Variants in TSNARE1 observed in about 807,000 individuals in gnomAD.
TSNARE1 encodes t-SNARE domain-containing protein 1.
TSNARE1 carries 49 observed loss-of-function variants against 62.0 expected under a neutral mutation model. The observed-to-expected ratio is 0.79, with a 90% CI of 0.63 to 1.00. TSNARE1 has a LOEUF of 1.00. Ranked by LOEUF, TSNARE1 falls within the 50% of genes least tolerant of loss-of-function variation. TSNARE1 has a pLI of 0.00. For synonymous variants in TSNARE1, 328 were observed against 294.4 expected (o/e 1.11, Z -1.17); for missense variants, 755 against 700.1 (o/e 1.08, Z -0.88).
In TSNARE1 at chr8:142,398,748, G is replaced by A. The variant is rs535450314; in HGVS notation, c.-40+4356C>T. 8.5e-5 allele frequency among the ~76,000 whole-genome samples: 13 copies of A among 152,318 alleles called. No homozygotes were observed. In the South Asian group the frequency reaches 2.7e-3, roughly 32 times the overall value. Reference sequence around the variant, plus strand: ...CTCAGACAGCAGCCCTGATGGCAGGGGCAGGGGCTGGGGACTTGCCAATGA... The same window carrying A: ...CTCAGACAGCAGCCCTGATGGCAGGAGCAGGGGCTGGGGACTTGCCAATGA... On this transcript the variant is annotated intron_variant, in intron 1 of 13. Transcript: ENST00000524325.
At chr8:142,230,283 A>T (rs1212034989) in intron 12 of TSNARE1, among the ~76,000 whole-genome samples, 1 of 152,158 alleles carries the variant, frequency 6.6e-6, no homozygotes, top group Admixed American at 6.5e-5. Flanking sequence ...GAAAAACGGG[A>T]GCTTAAATGA....
At chr8:142,335,487 G>T (rs1198328223) in intron 4 of TSNARE1, among the ~76,000 whole-genome samples, 1 of 152,052 alleles carries the variant, frequency 6.6e-6, no homozygotes, top group Non-Finnish European at 1.5e-5. Flanking sequence ...GAAAGTTAAA[G>T]ATCTATGCTG....
intron 13 of TSNARE1, among the ~76,000 whole-genome samples, chr8:142,228,384 G>T (rs1002406334): frequency 2.1e-4 from 32 of 152,304 alleles, no homozygotes; most frequent in Middle Eastern, 6.8e-3. Context: ...GCAGCCCAGG[G>T]CCCTGTGCCC....
At chr8:142,274,410 C>T (rs982641592) in intron 12 of TSNARE1, 2 of 985,486 alleles carry the variant, frequency 2.0e-6, no homozygotes, top group African/African-American at 3.5e-5. Context: ...ACAAAGTCCC[C>T]TCTGCAGTTC....
At chr8:142,348,219 C>A (rs977329594) in intron 2 of TSNARE1, among the ~76,000 whole-genome samples, 2 of 152,214 alleles carry the variant, frequency 1.3e-5, no homozygotes, top group African/African-American at 4.8e-5. Context: ...GCTTCTTCCA[C>A]GCACCACATT....
chr8:142,335,116 G>C (rs1374827037), intron 4 of TSNARE1, among the ~76,000 whole-genome samples: 3 of 152,238 alleles, frequency 2.0e-5, no homozygotes, highest in African/African-American at 7.2e-5. Context: ...GTGTGGTCCT[G>C]AATGTACTGA....
chr8:142,303,054 G>A (rs966514730), intron 9 of TSNARE1, among the ~76,000 whole-genome samples: 2 of 152,154 alleles, frequency 1.3e-5, no homozygotes, highest in African/African-American at 4.8e-5. Flanking sequence ...CTGGGGACAT[G>A]GGCTGCAGGG....
At chr8:142,352,650 C>T (rs1487410844) in intron 2 of TSNARE1, among the ~76,000 whole-genome samples, 1 of 152,250 alleles carries the variant, frequency 6.6e-6, no homozygotes. Flanking sequence ...TCTCAGAACA[C>T]GATGCGTAAA....
At chr8:142,368,577 C>T (rs780297447) in intron 1 of TSNARE1, among the ~76,000 whole-genome samples, 2 of 152,126 alleles carry the variant, frequency 1.3e-5, no homozygotes, top group Admixed American at 6.5e-5. Context: ...AGAGAAAGGA[C>T]GGGAGACCCC....
intron 12 of TSNARE1, among the ~76,000 whole-genome samples, chr8:142,238,216 G>A (rs956797411): frequency 6.6e-6 from 1 of 152,090 alleles, no homozygotes; most frequent in Admixed American, 6.5e-5. Context: ...ACCCTCCCAG[G>A]TTGCTCAGAA....
chr8:142,333,096 T>G (rs1831283699), intron 4 of TSNARE1, among the ~76,000 whole-genome samples: 1 of 152,208 alleles, frequency 6.6e-6, no homozygotes, highest in Admixed American at 6.5e-5. Flanking sequence ...GCTGGGGAAC[T>G]GGGGCAGGGC....
intron 12 of TSNARE1, chr8:142,274,505 C>T: frequency 1.0e-6 from 1 of 985,482 alleles, no homozygotes; most frequent in Non-Finnish European, 1.2e-6. Flanking sequence ...CTCCCCTCGG[C>T]TGCACCCCGG....
At chr8:142,376,749 C>T (rs1051066461) in intron 1 of TSNARE1, among the ~76,000 whole-genome samples, 3 of 152,170 alleles carry the variant, frequency 2.0e-5, no homozygotes, top group African/African-American at 7.2e-5. Context: ...TCCCAGGGCC[C>T]GGGCATGGGG....
intron 11 of TSNARE1, 21 bp from the exon 12 acceptor site, chr8:142,274,884 A>G: frequency 6.6e-7 from 1 of 1,518,032 alleles, no homozygotes; most frequent in Non-Finnish European, 8.9e-7. Context: ...AGACAACAGA[A>G]GGCAATTACA....
chr8:142,384,089 C>G (rs1228620591), intron 1 of TSNARE1, among the ~76,000 whole-genome samples: 1 of 152,152 alleles, frequency 6.6e-6, no homozygotes, highest in Non-Finnish European at 1.5e-5. Context: ...TGTCACACCA[C>G]CAGCAACAGA....
intron 1 of TSNARE1, among the ~76,000 whole-genome samples, chr8:142,396,097 C>G (rs1270756890): frequency 6.6e-6 from 1 of 152,094 alleles, no homozygotes; most frequent in African/African-American, 2.4e-5. Flanking sequence ...CCTCAGAACA[C>G]TGGCCCTCAT....
At chr8:142,310,517 T>C (rs1182549876) in intron 9 of TSNARE1, among the ~76,000 whole-genome samples, 1 of 152,182 alleles carries the variant, frequency 6.6e-6, no homozygotes, top group Non-Finnish European at 1.5e-5. Flanking sequence ...TGGAGGGGGT[T>C]CTGTTGATGA....
intron 13 of TSNARE1, among the ~76,000 whole-genome samples, chr8:142,216,338 G>A (rs568560604): frequency 6.6e-6 from 1 of 152,306 alleles, no homozygotes; most frequent in South Asian, 2.1e-4. Context: ...AGGGGCTGGG[G>A]GTGTGGGGCT....
At chr8:142,308,598 G>A (rs933726341) in intron 9 of TSNARE1, among the ~76,000 whole-genome samples, 2 of 151,952 alleles carry the variant, frequency 1.3e-5, no homozygotes, top group Admixed American at 6.6e-5. Context: ...TGGTGTGTCC[G>A]TGGGCTGGTG....
Sources: gnomAD v4.1 joint callset for allele counts (sites outside exome capture counted in the v4.1 genomes callset) on GRCh38, gnomAD v4.1.1 for gene constraint, MANE v1.5 for transcripts, NCBI Gene and HGNC (gene_info 2026-07-23, HGNC 2026-07-21) for gene names.